Variants in NTNG1 observed in about 807,000 individuals in gnomAD.
The protein encoded by NTNG1 is netrin-G1.
A neutral mutation model predicts 54.0 loss-of-function variants in NTNG1; 16 were observed. The observed-to-expected ratio is 0.30, with a 90% confidence interval of 0.20 to 0.45. The LOEUF (loss-of-function observed/expected upper bound fraction) is 0.45, where lower values mean the gene tolerates loss of function less well. NTNG1 is among the 20% of genes least tolerant of loss of function. The pLI is 1.00. For missense variants in NTNG1, 530 were observed against 678.7 expected, an observed-to-expected ratio of 0.78 and a Z score of 2.43; for synonymous variants, 255 against 263.1, an observed-to-expected ratio of 0.97 and a Z score of 0.30.
At chr1:107,346,467 G>A (rs1293090986) in intron 3 of NTNG1, among the ~76,000 whole-genome samples, 1 of 152,106 alleles carries the variant, frequency 6.6e-6, no homozygotes, top group East Asian at 1.9e-4. Context: ...TTTCTAGGAT[G>A]GCAGCTTAAC....
chr1:107,315,596 C>A (rs983989407), intron 2 of NTNG1, among the ~76,000 whole-genome samples: 9 of 152,138 alleles, frequency 5.9e-5, no homozygotes, highest in Admixed American at 2.6e-4. Context: ...CAACTTAGGG[C>A]CTGGCATTTG....
chr1:107,271,951 T>A (rs1664171387), intron 2 of NTNG1, among the ~76,000 whole-genome samples: 1 of 152,210 alleles, frequency 6.6e-6, no homozygotes, highest in Admixed American at 6.5e-5. Context: ...TTAGTACCTG[T>A]TCTAAAAACA....
chr1:107,162,911 T>G (rs1655516784), intron 2 of NTNG1, among the ~76,000 whole-genome samples: 1 of 152,124 alleles, frequency 6.6e-6, no homozygotes, highest in Non-Finnish European at 1.5e-5. Flanking sequence ...GAATAACTTG[T>G]CTCCTAGATT....
intron 2 of NTNG1, among the ~76,000 whole-genome samples, chr1:107,177,348 T>C (rs937977780): frequency 6.6e-6 from 1 of 152,084 alleles, no homozygotes; most frequent in Non-Finnish European, 1.5e-5. Context: ...TTTTTTTTTT[T>C]TCCTGAGACA....
chr1:107,197,984 C>A (rs1419181840), intron 2 of NTNG1, among the ~76,000 whole-genome samples: 2 of 151,808 alleles, frequency 1.3e-5, no homozygotes, highest in African/African-American at 4.8e-5. Context: ...ACATTTTTTT[C>A]CTATTCTTTG....
chr1:107,443,373 A>G (rs1403676440), intron 7 of NTNG1, among the ~76,000 whole-genome samples: 4 of 142,348 alleles, frequency 2.8e-5, no homozygotes, highest in Non-Finnish European at 6.1e-5. Flanking sequence ...AAACTCTTCT[A>G]TTACTATAGT....
At chr1:107,149,167 T>A (rs551384323) in intron 2 of NTNG1, among the ~76,000 whole-genome samples, 1 of 152,178 alleles carries the variant, frequency 6.6e-6, no homozygotes, top group Non-Finnish European at 1.5e-5. Context: ...GAAATATGAT[T>A]AGGTCATATC....
chr1:107,393,496 T>C (rs796202960), intron 3 of NTNG1, among the ~76,000 whole-genome samples: 10 of 152,244 alleles, frequency 6.6e-5, no homozygotes, highest in African/African-American at 2.2e-4. Context: ...TTTTAAGGAA[T>C]ATACAAATGT....
At chr1:107,195,539 T>TGTCCCA (rs1658257282) in intron 2 of NTNG1, among the ~76,000 whole-genome samples, 2 of 151,944 alleles carry the variant, frequency 1.3e-5, no homozygotes, top group African/African-American at 4.8e-5. Context: ...GTCCTCACTA[T>TGTCCCA]GTCCCACAAG....
At chr1:107,205,323 T>C (rs1041681420) in intron 2 of NTNG1, among the ~76,000 whole-genome samples, 1 of 152,154 alleles carries the variant, frequency 6.6e-6, no homozygotes, top group African/African-American at 2.4e-5. Flanking sequence ...GGGTGATGGT[T>C]TGCTATACAG....
chr1:107,216,411 A>T (rs200393084), intron 2 of NTNG1, among the ~76,000 whole-genome samples: 12 of 152,036 alleles, frequency 7.9e-5, no homozygotes, highest in African/African-American at 2.7e-4. Context: ...TGATCATGTG[A>T]TTTTTGTTTT....
At chr1:107,386,193 G>C (rs1161754067) in intron 3 of NTNG1, among the ~76,000 whole-genome samples, 3 of 142,202 alleles carry the variant, frequency 2.1e-5, no homozygotes, top group African/African-American at 8.1e-5. Flanking sequence ...CTTTGAAATG[G>C]GGTTTCACTC....
At chr1:107,420,057 C>G (rs1046109826) in intron 5 of NTNG1, among the ~76,000 whole-genome samples, 2 of 151,978 alleles carry the variant, frequency 1.3e-5, no homozygotes, top group Non-Finnish European at 2.9e-5. Context: ...CTCAGTATTT[C>G]CTATTGAATT....
chr1:107,201,522 T>G (rs780201289), intron 2 of NTNG1, among the ~76,000 whole-genome samples: 1 of 151,860 alleles, frequency 6.6e-6, no homozygotes, highest in Non-Finnish European at 1.5e-5. Flanking sequence ...GAGAAAAGAT[T>G]GCCAAAGATG....
At chr1:107,447,429 G>T (rs1676372009) in intron 7 of NTNG1, among the ~76,000 whole-genome samples, 1 of 152,070 alleles carries the variant, frequency 6.6e-6, no homozygotes, top group East Asian at 1.9e-4. Flanking sequence ...TCACCAGATG[G>T]AAGTTATTTG....
intron 2 of NTNG1, among the ~76,000 whole-genome samples, chr1:107,290,951 C>CATATATATATATTATATATATATAT (rs1384457637): frequency 7.4e-6 from 1 of 135,100 alleles, no homozygotes; most frequent in African/African-American, 3.1e-5. Flanking sequence ...TTTTAAAGTG[C>CATATATATATATTATATATATATAT]ATATATATAT....
intron 2 of NTNG1, among the ~76,000 whole-genome samples, chr1:107,178,383 G>T (rs3924253): frequency 1.3e-5 from 2 of 151,802 alleles, no homozygotes; most frequent in African/African-American, 4.8e-5. Flanking sequence ...CATTTGCCCC[G>T]TTTCTTGCAC....
intron 7 of NTNG1, among the ~76,000 whole-genome samples, chr1:107,446,056 TTAAA>T (rs1676288907): frequency 6.6e-6 from 1 of 151,998 alleles, no homozygotes; most frequent in South Asian, 2.1e-4. Context: ...AGAGGACCAG[TTAAA>T]TAAAGAATGT....
chr1:107,281,933 A>G (rs1461951039), intron 2 of NTNG1, among the ~76,000 whole-genome samples: 1 of 152,172 alleles, frequency 6.6e-6, no homozygotes, highest in Non-Finnish European at 1.5e-5. Context: ...CAGTTTTCAG[A>G]TCAGCACTAG....
Sources: gnomAD v4.1 joint callset for allele counts (sites outside exome capture counted in the v4.1 genomes callset) on GRCh38, gnomAD v4.1.1 for gene constraint, MANE v1.5 for transcripts, NCBI Gene and HGNC (gene_info 2026-07-23, HGNC 2026-07-21) for gene names.